STPG2: variants seen among roughly 807,000 people sequenced by gnomAD.
STPG2 encodes sperm-tail PG-rich repeat-containing protein 2.
In STPG2, 56 loss-of-function variants were observed where a neutral mutation model predicts 54.2. The observed-to-expected ratio is 1.03, with a 90% CI of 0.83 to 1.29. The LOEUF (loss-of-function observed/expected upper bound fraction) is 1.29. Ranked by LOEUF, STPG2 falls within the 50% of genes most tolerant of loss-of-function variation. The pLI is 0.00. For missense variants in STPG2, 596 were observed against 544.9 expected (o/e 1.09, Z -0.93); for synonymous variants, 200 against 181.8 (o/e 1.10, Z -0.81).
intron 5 of STPG2, among the ~76,000 whole-genome samples, chr4:98,073,865 A>AAT (rs1183148291): frequency 9.9e-5 from 15 of 152,200 alleles, no homozygotes; most frequent in Non-Finnish European, 1.8e-4. Context: ...GGAAGGAGAC[A>AAT]ATATATATCA....
At chr4:97,536,742 G>A (rs1731541142) in intron 4 of STPG2, among the ~76,000 whole-genome samples, 4 of 152,082 alleles carry the variant, frequency 2.6e-5, no homozygotes. Context: ...TGAATCAAAG[G>A]ACCTGGCTTG....
chr4:97,461,221 A>G (rs1053804792), intron 4 of STPG2, among the ~76,000 whole-genome samples: 13 of 152,042 alleles, frequency 8.6e-5, no homozygotes, highest in Admixed American at 2.0e-4. Flanking sequence ...TTTTCTCCAC[A>G]TCTTTTCCAA....
At chr4:97,639,918 C>T (rs59682344) in intron 10 of STPG2, among the ~76,000 whole-genome samples, 3,518 of 152,040 alleles carry the variant, frequency 0.023, 92 homozygotes, top group African/African-American at 0.062. Context: ...CTTTATTCTA[C>T]GCCAGGAGCT....
At chr4:97,819,243 C>A (rs533698666) in intron 9 of STPG2, among the ~76,000 whole-genome samples, 5 of 151,826 alleles carry the variant, frequency 3.3e-5, no homozygotes, top group African/African-American at 9.6e-5. Flanking sequence ...CAGCACTCAG[C>A]AAGAGTGATG....
chr4:97,687,318 AT>A (rs1181413589), intron 10 of STPG2, among the ~76,000 whole-genome samples: 1 of 112,560 alleles, frequency 8.9e-6, no homozygotes, highest in Non-Finnish European at 1.8e-5. Context: ...TATGCACTGA[AT>A]CTTTTTTTTT....
At chr4:97,685,675 A>T (rs1168911867) in intron 10 of STPG2, among the ~76,000 whole-genome samples, 1 of 152,182 alleles carries the variant, frequency 6.6e-6, no homozygotes, top group East Asian at 1.9e-4. Flanking sequence ...ACACAGAGTA[A>T]ACACTAATGT....
chr4:97,537,969 C>A (rs1338143310), intron 4 of STPG2, among the ~76,000 whole-genome samples: 1 of 152,196 alleles, frequency 6.6e-6, no homozygotes, highest in Non-Finnish European at 1.5e-5. Context: ...TCCAACAGAC[C>A]TGCAGCTGAG....
At chr4:97,455,663 T>C (rs1729497172) in intron 4 of STPG2, among the ~76,000 whole-genome samples, 2 of 152,164 alleles carry the variant, frequency 1.3e-5, no homozygotes, top group Admixed American at 1.3e-4. Flanking sequence ...TCACATGTGA[T>C]ATAATTCTTC....
intron 2 of STPG2, among the ~76,000 whole-genome samples, chr4:98,133,539 T>C (rs1261006938): frequency 6.6e-6 from 1 of 152,048 alleles, no homozygotes; most frequent in Non-Finnish European, 1.5e-5. Flanking sequence ...TTTAAAAAGA[T>C]CAGAATTTCT....
At chr4:97,981,406 A>C in intron 5 of STPG2, 88 bp from the exon 6 acceptor site, 1 of 1,293,280 alleles carries the variant, frequency 7.7e-7, no homozygotes, top group Non-Finnish European at 1.1e-6. Flanking sequence ...GAGTAATATA[A>C]CATCTGGAGT....
At chr4:97,734,537 T>C (rs1724910564) in intron 9 of STPG2, among the ~76,000 whole-genome samples, 1 of 152,204 alleles carries the variant, frequency 6.6e-6, no homozygotes, top group Non-Finnish European at 1.5e-5. Flanking sequence ...GAGATGACCA[T>C]ATGATTCTGT....
At chr4:97,729,434 A>T (rs1031232070) in intron 9 of STPG2, among the ~76,000 whole-genome samples, 1 of 152,250 alleles carries the variant, frequency 6.6e-6, no homozygotes, top group Admixed American at 6.5e-5. Flanking sequence ...ATTTTGGTGA[A>T]GCCACCTATA....
At chr4:97,811,284 C>T (rs1727732159) in intron 9 of STPG2, among the ~76,000 whole-genome samples, 1 of 152,004 alleles carries the variant, frequency 6.6e-6, no homozygotes, top group Non-Finnish European at 1.5e-5. Flanking sequence ...AAGCAGTCTG[C>T]CAGTGTTTAG....
At chr4:97,571,542 A>T (rs1732601377) in intron 10 of STPG2, among the ~76,000 whole-genome samples, 1 of 152,168 alleles carries the variant, frequency 6.6e-6, no homozygotes, top group South Asian at 2.1e-4. Flanking sequence ...ACCACCTCTT[A>T]TAGCAACCCA....
intron 4 of STPG2, among the ~76,000 whole-genome samples, chr4:97,473,839 C>T (rs753001955): frequency 4.4e-4 from 67 of 152,028 alleles, no homozygotes; most frequent in Non-Finnish European, 5.3e-4. Context: ...TCAAACCAGC[C>T]GATGCTTAGG....
At chr4:98,031,669 G>C (rs1736604469) in intron 5 of STPG2, among the ~76,000 whole-genome samples, 1 of 151,696 alleles carries the variant, frequency 6.6e-6, no homozygotes, top group Non-Finnish European at 1.5e-5. Context: ...TGGGCAAAAA[G>C]AACAAAACTC....
chr4:97,955,979 G>T (rs1441010408), intron 7 of STPG2, among the ~76,000 whole-genome samples: 2 of 150,674 alleles, frequency 1.3e-5, no homozygotes, highest in South Asian at 2.2e-4. Flanking sequence ...GCTAAAGGAA[G>T]TTTTTCAGAC....
Position 97,629,353 on chromosome 4 carries a change from C to T in STPG2, c.1321-70236G>A, listed in dbSNP as rs999748673. 3.9e-5 allele frequency among the ~76,000 whole-genome samples: 6 copies of T among 152,092 alleles called. No homozygotes were observed. The Middle Eastern group carries it at 0.014, about 345-fold the overall frequency. ...TTATTAATAATGCAGAAAAAAGTAT[C>T]ACTTTTGCTACTTAAGATAAAAAAC... On this transcript the variant is annotated intron_variant, in intron 10 of 10. Coordinates refer to ENST00000295268, the MANE Select transcript of STPG2 (RefSeq NM_174952.3).
At chr4:98,111,594 T>C (rs1218721825) in intron 3 of STPG2, among the ~76,000 whole-genome samples, 1 of 152,232 alleles carries the variant, frequency 6.6e-6, no homozygotes, top group South Asian at 2.1e-4. Context: ...GAATTAACTT[T>C]CCCTTCTACA....
Sources: gnomAD v4.1 joint callset for allele counts (sites outside exome capture counted in the v4.1 genomes callset) on GRCh38, gnomAD v4.1.1 for gene constraint, MANE v1.5 for transcripts, NCBI Gene and HGNC (gene_info 2026-07-23, HGNC 2026-07-21) for gene names.